Variants in DOCK8 observed in about 807,000 individuals in gnomAD.
DOCK8 encodes dedicator of cytokinesis protein 8.
Under a neutral mutation model 245.6 loss-of-function variants are expected in DOCK8, and 141 were observed. The ratio of observed to expected loss-of-function variants is 0.57; its 90% confidence interval spans 0.50 to 0.66. The LOEUF is 0.66. Ranked by LOEUF, DOCK8 falls within the 30% of genes least tolerant of loss-of-function variation. DOCK8 has a pLI of 0.00. For synonymous variants in DOCK8, 1,168 were observed against 970.2 expected (o/e 1.20, Z -3.79); for missense variants, 2,965 against 2,603.4 (o/e 1.14, Z -3.02).
In DOCK8 at chr9:390,589, T is replaced by A. The variant is rs1338913861; in HGVS notation, c.2970+23T>A. The A allele has an allele frequency of 1.9e-6, 3 of 1,606,986 alleles. No individual in the cohort carries two copies. In the African/African-American group the frequency reaches 4.0e-5, roughly 21 times the overall value. On this transcript the variant is annotated intron_variant, in intron 24 of 47. Transcript: ENST00000432829. The stretch of plus-strand genomic sequence containing the variant: ...CTGGTGAGATTCTTGCGCGTTTGTA[T>A]CTGTGCTCAATAGGCCAAGAGAAGC...
Position 442,291 on chromosome 9 carries a change from A to G in DOCK8, c.5490+282A>G, listed in dbSNP as rs187572198. Among the ~76,000 whole-genome samples, 89 of 152,354 alleles carry G rather than the reference A, an allele frequency of 5.8e-4. No individual in the cohort carries two copies. The East Asian group carries it at 6.7e-3, about 12-fold the overall frequency. On this transcript the variant is annotated intron_variant, in intron 42 of 47. Coordinates refer to ENST00000432829, the MANE Select transcript of DOCK8 (RefSeq NM_203447.4). ...TATTTTGAAGTCTGTGCAAAATTCA[A>G]TCAAGGTCATGTGCTTTCTTATCAC...
chr9:442,437 G>A (rs1268825619), intron 42 of DOCK8, among the ~76,000 whole-genome samples: 1 of 152,154 alleles, frequency 6.6e-6, no homozygotes, highest in East Asian at 1.9e-4. Context: ...CCTAGATAAT[G>A]GTGAGGCCAT....
At chr9:396,203 T>C (rs1315961792) in intron 24 of DOCK8, among the ~76,000 whole-genome samples, 1 of 152,216 alleles carries the variant, frequency 6.6e-6, no homozygotes, top group African/African-American at 2.4e-5. Context: ...CAACATTTCC[T>C]GCTCAATATA....
intron 1 of DOCK8, among the ~76,000 whole-genome samples, chr9:230,917 T>A (rs1329638107): frequency 6.6e-6 from 1 of 152,052 alleles, no homozygotes; most frequent in African/African-American, 2.4e-5. Flanking sequence ...TAGATCCCAT[T>A]TGTCAATTGT....
At chr9:341,348 A>G (rs1045073641) in intron 14 of DOCK8, among the ~76,000 whole-genome samples, 2 of 152,216 alleles carry the variant, frequency 1.3e-5, no homozygotes, top group African/African-American at 4.8e-5. Flanking sequence ...TTGTCAACAC[A>G]TATCTGCCAA....
chr9:307,027 C>T (rs2049866530), intron 5 of DOCK8, among the ~76,000 whole-genome samples: 1 of 152,068 alleles, frequency 6.6e-6, no homozygotes, highest in South Asian at 2.1e-4. Context: ...CTGGAAGTAC[C>T]AAAAGAACCT....
chr9:304,589 G>A lies in DOCK8; in HGVS notation c.413G>A (p.Gly138Glu). Residue 138 changes from glycine to glutamate, a missense_variant, in exon 5 of 48, where the codon GGA (glycine) becomes GAA (glutamate). Gly to Glu is a moderately conservative substitution (Grantham distance 98). Around this residue, in one of 3 missense-constraint regions of DOCK8, gnomAD observed 2,825 missense variants for 2,453.5 expected, o/e 1.15. Transcript: ENST00000432829. ...AATATCAACCATAAAAGAAACCAAG[G>A]AAGTCCAGAAATCTGTGGCTTTAAA... is the stretch of plus-strand genomic sequence containing the variant. ...EWLIVNRKNQ[G>E]SPEICGFKKT... The A allele has an allele frequency of 1.2e-6, 2 of 1,614,042 alleles. No individual in the cohort carries two copies. Among genetic ancestry groups the A allele is most frequent in the Non-Finnish European group, 1.7e-6 (2 of 1,179,986 alleles).
At chr9:289,344 A>G (rs928805228) in intron 3 of DOCK8, among the ~76,000 whole-genome samples, 166 bp from the exon 4 acceptor site, 1 of 152,210 alleles carries the variant, frequency 6.6e-6, no homozygotes, top group African/African-American at 2.4e-5. Flanking sequence ...AAAAATGTTT[A>G]TTGCCCCAGG....
chr9:392,840 T>C (rs10973732), intron 24 of DOCK8, among the ~76,000 whole-genome samples: 27,310 of 151,906 alleles, frequency 0.18, 2,617 homozygotes, highest in Middle Eastern at 0.24. Flanking sequence ...CGTCACCCCA[T>C]GCCCTTTATA....
chr9:261,010 C>T (rs146031520), intron 1 of DOCK8, among the ~76,000 whole-genome samples: 170 of 151,078 alleles, frequency 1.1e-3, no homozygotes, highest in Non-Finnish European at 1.3e-3. Context: ...ATTATTACCC[C>T]GGGAGGCAGA....
chr9:300,710 A>G (rs984138932), intron 4 of DOCK8, among the ~76,000 whole-genome samples: 3 of 152,162 alleles, frequency 2.0e-5, no homozygotes, highest in African/African-American at 7.2e-5. Flanking sequence ...AGAGACTGTT[A>G]TAAATACCCC....
At chr9:369,457 C>G (rs549665634) in intron 15 of DOCK8, 2 of 152,454 alleles carry the variant, frequency 1.3e-5, no homozygotes, top group East Asian at 1.9e-4. Context: ...GGTGAGTGCA[C>G]TTGTTCATAA....
At chr9:229,165 C>A (rs2047050936) in intron 1 of DOCK8, among the ~76,000 whole-genome samples, 1 of 152,096 alleles carries the variant, frequency 6.6e-6, no homozygotes, top group Non-Finnish European at 1.5e-5. Context: ...GGAGGGGCTG[C>A]AAAATAGTTG....
Position 418,190 on chromosome 9 carries a change from A to G in DOCK8, c.3823A>G (p.Ile1275Val), listed in dbSNP as rs2056113897. 1 of 1,614,102 alleles carries G rather than the reference A, an allele frequency of 6.2e-7. No homozygotes were observed. Among genetic ancestry groups the G allele is most frequent in the Non-Finnish European group, 8.5e-7 (1 of 1,180,038 alleles). The change falls in exon 30 of 48, where the codon ATA (isoleucine) becomes GTA (valine). Residue 1275 changes from isoleucine to valine, a missense_variant. By Grantham distance (29) the Ile-to-Val change is conservative. Coordinates refer to ENST00000432829, the MANE Select transcript of DOCK8 (RefSeq NM_203447.4). ...GNNFNLKTSG[I>V]VLSSLPYKQY... Reference sequence around the variant, plus strand: ...TAATTTCAATTTGAAAACAAGTGGAATAGTGCTGTCTTCCTTGGTATGTTG... The same window carrying G: ...TAATTTCAATTTGAAAACAAGTGGAGTAGTGCTGTCTTCCTTGGTATGTTG...
intron 28 of DOCK8, among the ~76,000 whole-genome samples, chr9:410,677 G>T (rs886653602): frequency 6.6e-6 from 1 of 152,120 alleles, no homozygotes; most frequent in Non-Finnish European, 1.5e-5. Context: ...GAAAAGAAGA[G>T]CAAACAAGTC....
At chr9:428,960 C>CTTTA (rs111783905) in intron 35 of DOCK8, among the ~76,000 whole-genome samples, 2,499 of 152,048 alleles carry the variant, frequency 0.016, 63 homozygotes, top group African/African-American at 0.056. Context: ...TTATTTTTCC[C>CTTTA]TTTATTTATT....
chr9:428,258 A>G, intron 34 of DOCK8, 104 bp from the exon 35 acceptor site: 3 of 1,580,594 alleles, frequency 1.9e-6, no homozygotes, highest in Non-Finnish European at 2.6e-6. Flanking sequence ...CTTAAGACTC[A>G]CCACTGGACA....
At chr9:287,589 G>C (rs1005977149) in intron 3 of DOCK8, among the ~76,000 whole-genome samples, 2 of 149,170 alleles carry the variant, frequency 1.3e-5, no homozygotes, top group South Asian at 4.2e-4. Context: ...ATAATGGGCT[G>C]GTATTATTGT....
intron 2 of DOCK8, among the ~76,000 whole-genome samples, chr9:283,934 C>T (rs2048703186): frequency 6.6e-6 from 1 of 152,088 alleles, no homozygotes; most frequent in Non-Finnish European, 1.5e-5. Context: ...ACCAATTGAA[C>T]TCAATTTGCA....
Sources: gnomAD v4.1 joint callset for allele counts (sites outside exome capture counted in the v4.1 genomes callset) on GRCh38, gnomAD v4.1.1 for gene constraint, gnomAD v4.1.1 regional missense constraint, MANE v1.5 for transcripts, NCBI Gene and HGNC (gene_info 2026-07-23, HGNC 2026-07-21) for gene names.